The following LATS2 variants were observed in gnomAD, a reference collection of about 807,000 sequenced individuals.
LATS2 encodes the protein serine/threonine-protein kinase LATS2.
Under a neutral mutation model 76.0 loss-of-function variants are expected in LATS2, and 24 were observed. The ratio of observed to expected loss-of-function variants is 0.32; its 90% CI spans 0.23 to 0.44. The LOEUF is 0.44. Ranked by LOEUF, LATS2 falls within the 20% of genes least tolerant of loss-of-function variation. LATS2 has a pLI of 1.00. For missense variants in LATS2, 1,286 were observed against 1,481.2 expected (o/e 0.87, Z 2.16); for synonymous variants, 692 against 635.4 (o/e 1.09, Z -1.34).
chr13:21,033,032 C>A (rs1872584381), intron 2 of LATS2, among the ~76,000 whole-genome samples: 1 of 151,722 alleles, frequency 6.6e-6, no homozygotes, highest in Admixed American at 6.6e-5. Context: ...AAGACACTTG[C>A]CATTCAGGAA....
chr13:21,046,351 C>G (rs1054525931), intron 1 of LATS2, 121 bp from the exon 2 acceptor site: 29 of 284,788 alleles, frequency 1.0e-4, no homozygotes, highest in African/African-American at 6.1e-4. Flanking sequence ...AAAGAAAGAA[C>G]GCATCACCTC....
At chr13:21,045,071 T>C (rs911087183) in intron 2 of LATS2, among the ~76,000 whole-genome samples, 22 of 149,676 alleles carry the variant, frequency 1.5e-4, no homozygotes, top group Non-Finnish European at 2.8e-4. Context: ...CCTCCACTAA[T>C]GTATCCTTTA....
At position 21,021,745 on chromosome 13, in the gene LATS2, T is replaced by C. The variant is rs541200167; in HGVS notation, c.342+23940A>G. Among the ~76,000 whole-genome samples, 209 of 152,332 alleles carry C rather than the reference T, an allele frequency of 1.4e-3. 1 individual carries two copies. The highest frequency in any genetic ancestry group is 4.5e-3 in the African/African-American group (188 of 41,582). Reference sequence around the variant, plus strand: ...GTGAATCTGCAGAGAACAGCGAGGCTAAGAGCATGCCCTTGGTCCAGTCTG... The same window carrying C: ...GTGAATCTGCAGAGAACAGCGAGGCCAAGAGCATGCCCTTGGTCCAGTCTG... On this transcript the variant is annotated intron_variant, in intron 2 of 7. Coordinates refer to ENST00000382592, the MANE Select transcript of LATS2 (RefSeq NM_014572.3).
chr13:20,998,541 AT>A (rs554032036), intron 2 of LATS2, among the ~76,000 whole-genome samples: 59 of 152,204 alleles, frequency 3.9e-4, no homozygotes, highest in South Asian at 3.3e-3. Flanking sequence ...AAAGGCCTAG[AT>A]TTTTTTATGA....
chr13:21,027,465 A>C (rs900663041), intron 2 of LATS2, among the ~76,000 whole-genome samples: 2 of 152,238 alleles, frequency 1.3e-5, no homozygotes, highest in African/African-American at 4.8e-5. Context: ...AAAAACAAAC[A>C]AAAACCCTCA....
At chr13:21,007,735 A>AGTGT (rs1265256496) in intron 2 of LATS2, among the ~76,000 whole-genome samples, 71 of 1,880 alleles carry the variant, frequency 0.038, 15 homozygotes, top group South Asian at 0.33. Context: ...ATATATATAT[A>AGTGT]GTATATATAT....
chr13:21,049,040 C>G (rs1349564404), intron 1 of LATS2, among the ~76,000 whole-genome samples: 1 of 152,000 alleles, frequency 6.6e-6, no homozygotes, highest in Non-Finnish European at 1.5e-5. Context: ...ATAATTAGAC[C>G]TGAGTGTCAG....
intron 2 of LATS2, among the ~76,000 whole-genome samples, chr13:21,044,208 G>A (rs560859766): frequency 1.3e-5 from 2 of 152,150 alleles, no homozygotes; most frequent in Non-Finnish European, 2.9e-5. Context: ...CTATAAAACA[G>A]CAGGATTCAT....
intron 1 of LATS2, among the ~76,000 whole-genome samples, chr13:21,048,166 T>A (rs187905755): frequency 1.2e-3 from 189 of 152,288 alleles, no homozygotes; most frequent in African/African-American, 4.3e-3. Flanking sequence ...GCTCTAAGCA[T>A]CTGTTTTGAA....
chr13:20,975,406 T>C, intron 7 of LATS2, 42 bp from the exon 8 acceptor site: 5 of 1,516,428 alleles, frequency 3.3e-6, no homozygotes, highest in Non-Finnish European at 4.4e-6. Flanking sequence ...TCTCCTCACA[T>C]CTTGGGCAGT....
intron 7 of LATS2, among the ~76,000 whole-genome samples, chr13:20,978,185 G>A (rs915880587): frequency 3.9e-5 from 6 of 152,106 alleles, no homozygotes; most frequent in Non-Finnish European, 7.3e-5. Context: ...AAAGTGCTGG[G>A]ATGACAGGCA....
In LATS2 at chr13:21,014,975, C is replaced by T. The variant is rs965656869; in HGVS notation, c.343-23571G>A. ...GTTGATGAGCCTCAACTGTGAGCTC[C>T]GGGAGGGCAGGCCAGGCCTAGTGCG... On this transcript the variant is annotated intron_variant, in intron 2 of 7. Transcript: ENST00000382592. Among the ~76,000 whole-genome samples the T allele has an allele frequency of 5.9e-5, 9 of 152,288 alleles. No individual in the cohort carries two copies. The South Asian group carries it at 6.2e-4, about 11-fold the overall frequency.
chr13:20,995,915 CTT>C (rs1167586643), intron 2 of LATS2, among the ~76,000 whole-genome samples: 1 of 152,172 alleles, frequency 6.6e-6, no homozygotes, highest in Non-Finnish European at 1.5e-5. Context: ...ACTTTGATGA[CTT>C]TGTGTCAGTC....
chr13:20,974,490 C>A lies in LATS2; in HGVS notation c.*380G>T, dbSNP rs1869498828. The A allele has an allele frequency of 4.3e-6, 1 of 231,724 alleles. No homozygotes were observed. The highest frequency in any genetic ancestry group is 2.3e-5 in the African/African-American group (1 of 44,360). 14.4% of individuals were successfully genotyped at this position (231,724 alleles called of 1,614,324 possible). A position where few individuals can be genotyped will look rare whatever the true frequency, so the allele number is the denominator to read the frequency against. ...TGTTCTTCAGTTTTTATGTCTTTTC[C>A]TAAATGTGAATAAGTGCTATGGATA... On this transcript the variant is annotated 3_prime_UTR_variant, in exon 8 of 8. Coordinates refer to ENST00000382592, the MANE Select transcript of LATS2 (RefSeq NM_014572.3).
At chr13:20,987,416 A>C (rs1870205804) in intron 4 of LATS2, among the ~76,000 whole-genome samples, 1 of 152,224 alleles carries the variant, frequency 6.6e-6, no homozygotes, top group Admixed American at 6.5e-5. Flanking sequence ...GGTATATTTA[A>C]ATCATTAGTT....
intron 1 of LATS2, among the ~76,000 whole-genome samples, chr13:21,053,678 C>T (rs562045621): frequency 2.8e-4 from 42 of 152,230 alleles, no homozygotes; most frequent in Non-Finnish European, 4.4e-4. Flanking sequence ...CTAAATGAAA[C>T]GGGCCCAAGG....
At chr13:21,007,563 A>T (rs1158260999) in intron 2 of LATS2, among the ~76,000 whole-genome samples, 1 of 16,714 alleles carries the variant, frequency 6.0e-5, no homozygotes, top group African/African-American at 6.6e-4. Context: ...ATATATATAT[A>T]TATATATATA....
intron 2 of LATS2, among the ~76,000 whole-genome samples, chr13:21,000,770 T>C (rs613375): frequency 0.24 from 37,213 of 152,158 alleles, 5,186 homozygotes; most frequent in Non-Finnish European, 0.32. Context: ...CTAGATGGTA[T>C]GTAGCAAAAA....
chr13:20,988,659 G>C lies in LATS2; in HGVS notation c.1121C>G (p.Thr374Ser). ...CTGCAGGGAGTCCCGGCGGGCCAGG[G>C]TGGCAGCCGGCCACTGCTGGACGGA... ...STSVQQWPAA[T>S]LARRDSLQKP... is the part of the protein sequence containing the mutation. Residue 374 changes from threonine to serine, a missense_variant, in exon 4 of 8, where the codon ACC becomes AGC. This residue lies in a region of LATS2 where 710 missense variants were observed against 660.9 expected (regional missense o/e 1.07). Coordinates refer to ENST00000382592, the MANE Select transcript of LATS2 (RefSeq NM_014572.3). 1 of 1,577,916 alleles carries C rather than the reference G, an allele frequency of 6.3e-7. No homozygotes were observed. The highest frequency in any genetic ancestry group is 1.1e-5 in the South Asian group (1 of 87,746).
Sources: gnomAD v4.1 joint callset for allele counts (sites outside exome capture counted in the v4.1 genomes callset) on GRCh38, gnomAD v4.1.1 for gene constraint, gnomAD v4.1.1 regional missense constraint, MANE v1.5 for transcripts, NCBI Gene and HGNC (gene_info 2026-07-23, HGNC 2026-07-21) for gene names.